Variants in ACOT7 observed in about 807,000 individuals in gnomAD.
ACOT7 encodes the protein acyl-CoA thioesterase 7.
In ACOT7, 12 loss-of-function variants were observed where a neutral mutation model predicts 40.2. The ratio of observed to expected loss-of-function variants is 0.30; its 90% CI spans 0.19 to 0.48. ACOT7 has a LOEUF of 0.48. Ranked by LOEUF, ACOT7 falls within the 20% of genes least tolerant of loss-of-function variation. ACOT7 has a pLI of 0.99. For synonymous variants in ACOT7, 228 were observed against 219.5 expected (o/e 1.04, Z -0.34); for missense variants, 395 against 530.8 (o/e 0.74, Z 2.51).
rs754383354 is a variant in ACOT7, at chr1:6,358,795, A to T, written c.144-8929T>A. ...ACAATCCACCCACAGTGGCCCCTGC[A>T]CGGCCTAGACATGCCCATGACTGGC... is the stretch of plus-strand genomic sequence containing the variant. On this transcript the variant is annotated intron_variant, in intron 1 of 8. Transcript: ENST00000361521. This position sits in a 1 kb window ranked among gnomAD's most constrained non-coding sequence, Gnocchi z 4.1. 6.2e-7 allele frequency: 1 copy of T among 1,607,996 alleles called. No homozygotes were observed. The highest frequency in any genetic ancestry group is 1.7e-5 in the Admixed American group (1 of 59,982).
chr1:6,291,947 C>T (rs1183686766), intron 7 of ACOT7, among the ~76,000 whole-genome samples: 1 of 152,186 alleles, frequency 6.6e-6, no homozygotes, highest in Non-Finnish European at 1.5e-5. Flanking sequence ...GGTGCAGTAT[C>T]CTAGGAGCAA....
intron 6 of ACOT7, among the ~76,000 whole-genome samples, chr1:6,298,412 G>A (rs1219631146): frequency 6.6e-6 from 1 of 152,240 alleles, no homozygotes; most frequent in Non-Finnish European, 1.5e-5. Context: ...TGGGATTACA[G>A]GTGTGAGCTA....
chr1:6,384,129 T>C (rs1247261320), intron 1 of ACOT7, among the ~76,000 whole-genome samples: 3 of 151,984 alleles, frequency 2.0e-5, no homozygotes, highest in East Asian at 3.9e-4. Context: ...GACTTGCATC[T>C]AGAATATATA....
intron 1 of ACOT7, among the ~76,000 whole-genome samples, chr1:6,373,301 A>G (rs192618198): frequency 1.3e-5 from 2 of 152,104 alleles, no homozygotes; most frequent in Admixed American, 1.3e-4. Context: ...CCCAGGCTAG[A>G]GTGTAGTGGC....
chr1:6,369,058 T>A (rs1642075295), intron 1 of ACOT7, among the ~76,000 whole-genome samples: 1 of 152,174 alleles, frequency 6.6e-6, no homozygotes, highest in African/African-American at 2.4e-5. Context: ...CTTGGCTCAC[T>A]GCAACCTCTC....
At chr1:6,339,737 CG>C (rs1641212168) in intron 2 of ACOT7, 148 bp from the exon 3 acceptor site, 2 of 629,232 alleles carry the variant, frequency 3.2e-6, no homozygotes, top group Non-Finnish European at 2.5e-6. Context: ...ATTGGCACCG[CG>C]GTTTTTTTTT....
chr1:6,343,075 G>A (rs2148448490), intron 2 of ACOT7, among the ~76,000 whole-genome samples: 1 of 152,326 alleles, frequency 6.6e-6, no homozygotes, highest in Admixed American at 6.5e-5. Flanking sequence ...GGGCGGGCAG[G>A]GAGCAGGTGA....
intron 8 of ACOT7, among the ~76,000 whole-genome samples, chr1:6,277,852 C>T (rs960584180): frequency 6.6e-6 from 1 of 152,194 alleles, no homozygotes; most frequent in Admixed American, 6.5e-5. Flanking sequence ...GTGTGAGGCC[C>T]CAGGGAGAGC....
At chr1:6,377,488 T>C (rs1642255029) in intron 1 of ACOT7, among the ~76,000 whole-genome samples, 1 of 152,170 alleles carries the variant, frequency 6.6e-6, no homozygotes, top group Non-Finnish European at 1.5e-5. Flanking sequence ...CTTAGTAGAA[T>C]CTTAATAGGT....
intron 1 of ACOT7, among the ~76,000 whole-genome samples, chr1:6,366,046 C>T (rs969450644): frequency 7.2e-5 from 11 of 151,828 alleles, no homozygotes; most frequent in African/African-American, 2.7e-4. Context: ...AGGCACGCGT[C>T]ACCACGCCCA....
In ACOT7 at chr1:6,274,892, G is replaced by A. The variant is rs895450592; in HGVS notation, c.1014+6210C>T. On this transcript the variant is annotated intron_variant, in intron 8 of 8. Coordinates refer to ENST00000361521, the MANE Select transcript of ACOT7 (RefSeq NM_007274.4). This position sits in a 1 kb window ranked among gnomAD's most constrained non-coding sequence, Gnocchi z 5.9. ...AGGTTCTTGCACAGAAGGGTTCTCA[G>A]GCAGGGCTCCTCCCAGGACCCCACA... Among the ~76,000 whole-genome samples the A allele has an allele frequency of 6.6e-6, 1 of 152,200 alleles. No individual in the cohort carries two copies. The highest frequency in any genetic ancestry group is 1.5e-5 in the Non-Finnish European group (1 of 68,038).
chr1:6,391,286 A>C (rs1396330207), intron 1 of ACOT7, among the ~76,000 whole-genome samples: 1 of 152,004 alleles, frequency 6.6e-6, no homozygotes, highest in East Asian at 1.9e-4. Context: ...ATCACAGATC[A>C]CCTGAGGTCA....
intron 8 of ACOT7, among the ~76,000 whole-genome samples, chr1:6,266,367 G>C (rs1279848663): frequency 6.6e-6 from 1 of 152,222 alleles, no homozygotes; most frequent in Non-Finnish European, 1.5e-5. Flanking sequence ...GCTACATCCT[G>C]CTGGGCACAG....
Position 6,355,672 on chromosome 1 carries a change from C to G in ACOT7, c.144-5806G>C, listed in dbSNP as rs899521339. On this transcript the variant is annotated intron_variant, in intron 1 of 8. Transcript: ENST00000361521. The surrounding 1 kb of genome is among the most constrained non-coding windows in gnomAD (Gnocchi z 5.0). The stretch of plus-strand genomic sequence containing the variant: ...TTGGATGCCTTTAAACCATCTCAAC[C>G]CTTTCAAATTAATAAGTGTTCTTTG... Among the ~76,000 whole-genome samples the G allele has an allele frequency of 6.6e-6, 1 of 152,230 alleles. No homozygotes were observed. Among genetic ancestry groups the G allele is most frequent in the African/African-American group, 2.4e-5 (1 of 41,452 alleles).
chr1:6,264,869 G>T (rs1035061099), intron 8 of ACOT7, among the ~76,000 whole-genome samples, 174 bp from the exon 9 acceptor site: 5 of 152,142 alleles, frequency 3.3e-5, no homozygotes, highest in Admixed American at 3.3e-4. Context: ...GGTAGCCCAG[G>T]CATGGGGCTC....
chr1:6,302,819 C>A lies in ACOT7; in HGVS notation c.713-7839G>T, dbSNP rs77059271. On this transcript the variant is annotated intron_variant, in intron 6 of 8. Transcript: ENST00000361521. ...CAGATGGTCCCTGCAGAAGTGAGAT[C>A]ATTAGAAAGCCACGTGCCCATCGTG... 7.4e-4 allele frequency among the ~76,000 whole-genome samples: 112 copies of A among 152,052 alleles called. 1 individual carries two copies. Among genetic ancestry groups the A allele is most frequent in the East Asian group, 5.6e-3 (29 of 5,172 alleles).
chr1:6,312,514 C>T (rs1293176361), intron 6 of ACOT7, among the ~76,000 whole-genome samples: 1 of 145,940 alleles, frequency 6.9e-6, no homozygotes, highest in African/African-American at 2.5e-5. Context: ...CCCAGGCTGG[C>T]TGGATTGGAG....
At chr1:6,368,154 T>C (rs1642055371) in intron 1 of ACOT7, among the ~76,000 whole-genome samples, 1 of 152,100 alleles carries the variant, frequency 6.6e-6, no homozygotes, top group South Asian at 2.1e-4. Flanking sequence ...ACCCCCAGGC[T>C]TCAGGCCCTC....
chr1:6,297,696 A>G (rs1006175653), intron 6 of ACOT7, among the ~76,000 whole-genome samples: 5 of 152,244 alleles, frequency 3.3e-5, no homozygotes, highest in African/African-American at 9.6e-5. Context: ...CTAAGGACTT[A>G]TAAGTGTGTT....
Sources: gnomAD v4.1 joint callset for allele counts (sites outside exome capture counted in the v4.1 genomes callset) on GRCh38, gnomAD v4.1.1 for gene constraint, Gnocchi (gnomAD v3.1) non-coding constraint, MANE v1.5 for transcripts, NCBI Gene and HGNC (gene_info 2026-07-23, HGNC 2026-07-21) for gene names.